PLA2G12B: variants seen among roughly 807,000 people sequenced by gnomAD.
PLA2G12B encodes group XIIB secretory phospholipase A2-like protein.
In PLA2G12B, 19 loss-of-function variants were observed where a neutral mutation model predicts 22.3. The observed-to-expected ratio is 0.85, with a 90% CI of 0.60 to 1.25. The LOEUF is 1.25. PLA2G12B is among the 50% of genes most tolerant of loss of function. The pLI is 0.00. For synonymous variants in PLA2G12B, 81 were observed against 94.9 expected (o/e 0.85, Z 0.85); for missense variants, 191 against 246.6 (o/e 0.77, Z 1.51).
chr10:72,947,476 G>A (rs1846462116), intron 1 of PLA2G12B, among the ~76,000 whole-genome samples: 1 of 152,140 alleles, frequency 6.6e-6, no homozygotes, highest in Admixed American at 6.6e-5. Flanking sequence ...CCAGACTGAA[G>A]CTATCCATCC....
At chr10:72,942,583 CA>C in intron 2 of PLA2G12B, 68 bp downstream of exon 2, 1 of 1,256,612 alleles carries the variant, frequency 8.0e-7, no homozygotes. Context: ...TCACTTCCAT[CA>C]AGGATAACTC....
chr10:72,953,164 C>T (rs1215995664), intron 1 of PLA2G12B, among the ~76,000 whole-genome samples: 3 of 152,196 alleles, frequency 2.0e-5, no homozygotes. Context: ...ACAGACCAGG[C>T]ATTTTTCTCT....
At chr10:72,951,886 G>C (rs988077506) in intron 1 of PLA2G12B, among the ~76,000 whole-genome samples, 1 of 152,200 alleles carries the variant, frequency 6.6e-6, no homozygotes, top group Non-Finnish European at 1.5e-5. Context: ...AATTACTTTA[G>C]ATATGAGAAG....
In PLA2G12B at chr10:72,935,464, C is replaced by T. The variant is rs1261776265; in HGVS notation, c.*153G>A. ...TCAAATTTCCTCAAAGGATAGGACT[C>T]ACTTTCCAGCTGTAGAAAAATGTTC... is the stretch of plus-strand genomic sequence containing the variant. On this transcript the variant is annotated 3_prime_UTR_variant, in exon 4 of 4. Transcript: ENST00000373032. 2 of 1,150,714 alleles carry T rather than the reference C, an allele frequency of 1.7e-6. No individual in the cohort carries two copies. Among genetic ancestry groups the T allele is most frequent in the East Asian group, 4.9e-5 (2 of 40,648 alleles). 71.3% of individuals were successfully genotyped at this position (1,150,714 alleles called of 1,614,324 possible). A position where few individuals can be genotyped will look rare whatever the true frequency, so the allele number is the denominator to read the frequency against.
intron 1 of PLA2G12B, among the ~76,000 whole-genome samples, chr10:72,950,331 T>G (rs1302451679): frequency 2.0e-5 from 3 of 152,218 alleles, no homozygotes; most frequent in Admixed American, 1.3e-4. Flanking sequence ...TTTCTTTTTT[T>G]GGGCTCTGGA....
At position 72,935,742 on chromosome 10, in the gene PLA2G12B, G is replaced by C. The variant is rs772652172; in HGVS notation, c.467-4C>G. The C allele has an allele frequency of 1.2e-6, 2 of 1,612,868 alleles. No homozygotes were observed. The highest frequency in any genetic ancestry group is 1.7e-6 in the Non-Finnish European group (2 of 1,179,600). The stretch of plus-strand genomic sequence containing the variant: ...TCAACCAGGGAATCACAGGCTGCTT[G>C]AAAAAGATGAAGAGGGACAGAAAGG... On this transcript the variant is annotated splice_polypyrimidine_tract_variant and splice_region_variant and intron_variant, in intron 3 of 3. Coordinates refer to ENST00000373032, the MANE Select transcript of PLA2G12B (RefSeq NM_032562.5).
At chr10:72,945,311 C>G (rs534815781) in intron 1 of PLA2G12B, among the ~76,000 whole-genome samples, 1 of 152,188 alleles carries the variant, frequency 6.6e-6, no homozygotes, top group East Asian at 1.9e-4. Context: ...GTCTTGGGCT[C>G]TCTTACTCTC....
chr10:72,950,404 G>A (rs966272117), intron 1 of PLA2G12B, among the ~76,000 whole-genome samples: 1 of 152,140 alleles, frequency 6.6e-6, no homozygotes, highest in Non-Finnish European at 1.5e-5. Context: ...AAACTCACAG[G>A]TTTATAAAAT....
intron 3 of PLA2G12B, among the ~76,000 whole-genome samples, chr10:72,937,646 ATAG>A (rs948702609): frequency 8.5e-5 from 13 of 152,200 alleles, no homozygotes; most frequent in African/African-American, 3.1e-4. Context: ...CCTCAACAAA[ATAG>A]TAGTAAACTG....
intron 2 of PLA2G12B, among the ~76,000 whole-genome samples, chr10:72,942,012 G>A (rs771605808): frequency 2.0e-5 from 3 of 152,096 alleles, no homozygotes; most frequent in Non-Finnish European, 4.4e-5. Flanking sequence ...GTCTGGGTAC[G>A]GTGGCTCACG....
At chr10:72,950,630 C>T (rs889115941) in intron 1 of PLA2G12B, among the ~76,000 whole-genome samples, 3 of 152,092 alleles carry the variant, frequency 2.0e-5, no homozygotes, top group Admixed American at 1.3e-4. Context: ...ACAGGGCGCG[C>T]CACCACGCCC....
chr10:72,936,521 G>A (rs1205482869), intron 3 of PLA2G12B, among the ~76,000 whole-genome samples: 2 of 152,200 alleles, frequency 1.3e-5, no homozygotes, highest in Non-Finnish European at 2.9e-5. Context: ...CATATTGTAT[G>A]ATTCCATTCA....
At chr10:72,941,024 C>T (rs1158534328) in intron 3 of PLA2G12B, 145 bp downstream of exon 3, 1 of 915,852 alleles carries the variant, frequency 1.1e-6, no homozygotes, top group African/African-American at 1.7e-5. Context: ...CTTTCCTTCA[C>T]CATTTCTTGC....
At chr10:72,950,474 T>C (rs767310042) in intron 1 of PLA2G12B, among the ~76,000 whole-genome samples, 4 of 152,168 alleles carry the variant, frequency 2.6e-5, no homozygotes, top group Admixed American at 6.5e-5. Flanking sequence ...TTTATTTTTA[T>C]TTATTTATTT....
intron 1 of PLA2G12B, among the ~76,000 whole-genome samples, chr10:72,943,459 T>A (rs1260501152): frequency 6.6e-6 from 1 of 152,174 alleles, no homozygotes; most frequent in African/African-American, 2.4e-5. Flanking sequence ...ACAAAAGGGT[T>A]TAACTTGCAG....
chr10:72,942,732 G>A lies in PLA2G12B; in HGVS notation c.220C>T (p.Pro74Ser). 6.3e-7 allele frequency: 1 copy of A among 1,599,764 alleles called. No homozygotes were observed. The highest frequency in any genetic ancestry group is 8.5e-7 in the Non-Finnish European group (1 of 1,172,722). Residue 74 changes from proline (P) to serine (S), a missense_variant, in exon 2 of 4, where the codon CCA (proline) becomes TCA (serine). Pro to Ser is a moderately conservative substitution (Grantham distance 74). Transcript: ENST00000373032. ...CQYRCRYGKA[P>S]MPRPGYKPQE... ...GGCTTGTAGCCAGGTCTGGGCATTG[G>A]TGCCTTTCCTTGCAGGAGGAAGAAA...
chr10:72,941,147 T>C (rs557500535), intron 3 of PLA2G12B, 22 bp downstream of exon 3: 2 of 1,611,168 alleles, frequency 1.2e-6, no homozygotes, highest in South Asian at 2.2e-5. Flanking sequence ...CTGTGCACTG[T>C]ACGTGCCATT....
chr10:72,951,452 C>CTTTT (rs71482537), intron 1 of PLA2G12B, among the ~76,000 whole-genome samples: 25 of 117,114 alleles, frequency 2.1e-4, no homozygotes, highest in African/African-American at 7.3e-4. Flanking sequence ...GCACAGACTC[C>CTTTT]TTTTTTTTTT....
intron 3 of PLA2G12B, among the ~76,000 whole-genome samples, chr10:72,936,284 C>T (rs1030806277): frequency 6.6e-6 from 1 of 152,140 alleles, no homozygotes; most frequent in Non-Finnish European, 1.5e-5. Flanking sequence ...AAACAGATAG[C>T]TACACTACCT....
Sources: allele counts gnomAD v4.1 joint callset (sites outside exome capture counted in the v4.1 genomes callset), GRCh38; gene constraint gnomAD v4.1.1; transcripts MANE v1.5; gene names NCBI Gene and HGNC (gene_info 2026-07-23, HGNC 2026-07-21).